The following SNX29 variants were observed in gnomAD, a reference collection of about 807,000 sequenced individuals.
SNX29 encodes sorting nexin-29.
In SNX29, 78 loss-of-function variants were observed where a neutral mutation model predicts 102.1. That is an observed-to-expected ratio of 0.76 (90% confidence interval 0.64 to 0.92). The LOEUF is 0.92. Ranked by LOEUF, SNX29 falls within the 40% of genes least tolerant of loss-of-function variation. The pLI, the probability that SNX29 is intolerant of heterozygous loss-of-function variation, is 0.00. For missense variants in SNX29, 1,280 were observed against 1,061.7 expected (o/e 1.21, Z -2.86); for synonymous variants, 580 against 414.5 (o/e 1.40, Z -4.85).
chr16:12,440,124 T>G (rs941817268), intron 18 of SNX29, among the ~76,000 whole-genome samples: 2 of 152,190 alleles, frequency 1.3e-5, no homozygotes, highest in Non-Finnish European at 2.9e-5. Context: ...AGGGCATAAA[T>G]TGGAACACGG....
intron 18 of SNX29, among the ~76,000 whole-genome samples, chr16:12,418,037 T>G (rs1312522992): frequency 1.3e-5 from 2 of 152,182 alleles, no homozygotes; most frequent in Non-Finnish European, 2.9e-5. Flanking sequence ...GGGAACCACA[T>G]GCAAATGCAT....
chr16:12,352,561 C>G (rs1188763177), intron 15 of SNX29, among the ~76,000 whole-genome samples: 1 of 152,180 alleles, frequency 6.6e-6, no homozygotes, highest in Non-Finnish European at 1.5e-5. Context: ...GTTACTTAAA[C>G]TTCTTGAATC....
intron 19 of SNX29, among the ~76,000 whole-genome samples, chr16:12,515,171 A>G (rs537486120): frequency 6.6e-6 from 1 of 152,156 alleles, no homozygotes; most frequent in South Asian, 2.1e-4. Flanking sequence ...CCCTGTCCTC[A>G]TTCTCCCCTA....
rs1164354198 is a variant in SNX29 at position 12,282,102 on chromosome 16, A to AAG, written c.1782+4067_1782+4068insGA. On this transcript the variant is annotated intron_variant, in intron 15 of 20. Coordinates refer to ENST00000566228, the MANE Select transcript of SNX29 (RefSeq NM_032167.5). ...CCATCTCAAAAAAAAAAAAAAAAAA[A>AAG]AAAAAATGCAGAGCTGGATTTGAAT... Among the ~76,000 whole-genome samples the AAG allele has an allele frequency of 2.8e-4, 42 of 151,362 alleles. No homozygotes were observed. In the East Asian group the frequency reaches 7.6e-3, roughly 27 times the overall value.
intron 13 of SNX29, among the ~76,000 whole-genome samples, chr16:12,177,218 C>T (rs2076280375): frequency 6.6e-6 from 1 of 152,136 alleles, no homozygotes; most frequent in South Asian, 2.1e-4. Flanking sequence ...TCCCAAAGTG[C>T]TGGGATTATG....
chr16:11,978,966 T>A (rs1325431003), intron 1 of SNX29, among the ~76,000 whole-genome samples: 1 of 151,066 alleles, frequency 6.6e-6, no homozygotes, highest in Non-Finnish European at 1.5e-5. Context: ...AAGAAAACTT[T>A]AAAATTTAAT....
intron 18 of SNX29, among the ~76,000 whole-genome samples, chr16:12,425,540 AAAAAT>A (rs1156646815): frequency 1.4e-5 from 1 of 71,474 alleles, no homozygotes; most frequent in African/African-American, 3.2e-5. Flanking sequence ...AAAAAAAAAA[AAAAAT>A]AAAAAAAATA....
intron 18 of SNX29, among the ~76,000 whole-genome samples, chr16:12,404,205 G>A (rs982369175): frequency 1.3e-5 from 2 of 152,190 alleles, no homozygotes; most frequent in African/African-American, 4.8e-5. Context: ...CTGGACAAGC[G>A]GGACCTGTAG....
At chr16:12,308,760 C>T (rs1312362939) in intron 15 of SNX29, among the ~76,000 whole-genome samples, 1 of 152,076 alleles carries the variant, frequency 6.6e-6, no homozygotes, top group East Asian at 1.9e-4. Context: ...AGTTTCTCAG[C>T]TGGAGAGTCT....
At chr16:12,535,663 G>T (rs1290206238) in intron 20 of SNX29, among the ~76,000 whole-genome samples, 1 of 152,160 alleles carries the variant, frequency 6.6e-6, no homozygotes, top group Non-Finnish European at 1.5e-5. Flanking sequence ...AATATCTTCA[G>T]GGCTGGGGCT....
At chr16:12,258,767 T>A (rs1438792901) in intron 14 of SNX29, among the ~76,000 whole-genome samples, 1 of 152,162 alleles carries the variant, frequency 6.6e-6, no homozygotes, top group Non-Finnish European at 1.5e-5. Context: ...TGTAAGGGTT[T>A]GTGAGGTAGT....
intron 16 of SNX29, among the ~76,000 whole-genome samples, chr16:12,366,624 C>T (rs980039502): frequency 7.2e-5 from 11 of 152,218 alleles, no homozygotes; most frequent in Admixed American, 7.2e-4. Context: ...TGGTCTAGAA[C>T]AGCACTGCCT....
At position 12,063,287 on chromosome 16, in the gene SNX29, G is replaced by A. The variant is rs554503011; in HGVS notation, c.1243+1641G>A. 2.0e-5 allele frequency among the ~76,000 whole-genome samples: 3 copies of A among 151,396 alleles called. No individual in the cohort carries two copies. The South Asian group carries it at 6.3e-4, about 32-fold the overall frequency. The stretch of plus-strand genomic sequence containing the variant: ...ATGGAGGGGGCTTTCCTGACTTGGT[G>A]GGGTGCTGTCATCTTTCTTATGTGG... On this transcript the variant is annotated intron_variant, in intron 9 of 20. Coordinates refer to ENST00000566228, the MANE Select transcript of SNX29 (RefSeq NM_032167.5).
intron 16 of SNX29, among the ~76,000 whole-genome samples, chr16:12,387,979 A>T (rs1364630494): frequency 6.6e-6 from 1 of 152,204 alleles, no homozygotes; most frequent in Non-Finnish European, 1.5e-5. Flanking sequence ...CTCTTCATCC[A>T]CAGATTTCAT....
chr16:12,168,131 A>G (rs2037397429), intron 13 of SNX29, among the ~76,000 whole-genome samples: 1 of 152,206 alleles, frequency 6.6e-6, no homozygotes, highest in Non-Finnish European at 1.5e-5. Flanking sequence ...ACTTTAGTAC[A>G]AAGAGAGAAT....
intron 18 of SNX29, among the ~76,000 whole-genome samples, chr16:12,474,758 G>T (rs919158749): frequency 6.6e-6 from 1 of 152,200 alleles, no homozygotes; most frequent in African/African-American, 2.4e-5. Flanking sequence ...TTTTTTTAAA[G>T]TGCATTGATC....
At chr16:12,175,612 C>T (rs1488060495) in intron 13 of SNX29, among the ~76,000 whole-genome samples, 6 of 151,154 alleles carry the variant, frequency 4.0e-5, no homozygotes, top group Non-Finnish European at 7.4e-5. Flanking sequence ...GATGGTGCCC[C>T]TGCACTCCGG....
At chr16:12,170,515 A>G (rs1032320642) in intron 13 of SNX29, among the ~76,000 whole-genome samples, 4 of 151,794 alleles carry the variant, frequency 2.6e-5, no homozygotes, top group Non-Finnish European at 5.9e-5. Context: ...GTATCAGAAC[A>G]GAGAGGAAAA....
At chr16:12,374,108 A>T (rs2082785709) in intron 16 of SNX29, among the ~76,000 whole-genome samples, 1 of 152,104 alleles carries the variant, frequency 6.6e-6, no homozygotes, top group Non-Finnish European at 1.5e-5. Flanking sequence ...CTGGAATACC[A>T]CTTCTCCCCA....
Sources: gnomAD v4.1 joint callset for allele counts (sites outside exome capture counted in the v4.1 genomes callset) on GRCh38, gnomAD v4.1.1 for gene constraint, MANE v1.5 for transcripts, NCBI Gene and HGNC (gene_info 2026-07-23, HGNC 2026-07-21) for gene names.